The following AKAP13 variants were observed in gnomAD, a reference collection of about 807,000 sequenced individuals.
The protein encoded by AKAP13 is A-kinase anchor protein 13.
A neutral mutation model predicts 264.5 loss-of-function variants in AKAP13; 80 were observed. That is an observed-to-expected ratio of 0.30 (90% CI 0.25 to 0.36). The LOEUF (loss-of-function observed/expected upper bound fraction) is 0.36, where lower values mean the gene tolerates loss of function less well. Ranked by LOEUF, AKAP13 falls within the 10% of genes least tolerant of loss-of-function variation. The pLI is 1.00. For missense variants in AKAP13, 3,712 were observed against 3,435.2 expected (o/e 1.08, Z -2.01); for synonymous variants, 1,380 against 1,250.2 (o/e 1.10, Z -2.19).
At chr15:85,442,442 T>G (rs2073703482) in intron 1 of AKAP13, among the ~76,000 whole-genome samples, 1 of 126,138 alleles carries the variant, frequency 7.9e-6, no homozygotes, top group Non-Finnish European at 1.6e-5. Flanking sequence ...ATATATAATA[T>G]AAAATATACA....
intron 10 of AKAP13, chr15:85,651,690 A>G (rs1489921959): frequency 6.6e-6 from 1 of 152,226 alleles, no homozygotes; most frequent in African/African-American, 2.4e-5. Flanking sequence ...AGCAGGGTAC[A>G]GACTATAAGC....
intron 1 of AKAP13, among the ~76,000 whole-genome samples, chr15:85,477,489 C>T (rs2075206382): frequency 6.6e-6 from 1 of 152,008 alleles, no homozygotes; most frequent in Non-Finnish European, 1.5e-5. Flanking sequence ...TGGCCTGGCC[C>T]TGTTGGCTGG....
rs144236230 is a variant in AKAP13 at position 85,679,973 on chromosome 15, C to T, written c.5102-2185C>T. Among the ~76,000 whole-genome samples the T allele has an allele frequency of 3.3e-5, 5 of 152,224 alleles. No individual in the cohort carries two copies. In the East Asian group the frequency reaches 7.7e-4, roughly 23 times the overall value. On this transcript the variant is annotated intron_variant, in intron 14 of 36. Transcript: ENST00000394518. Reference sequence around the variant, plus strand: ...AACCACATCTAAAAGGTCATCATAACTTAACTAAAATTTTTAGCAGTGGAA... The same window carrying T: ...AACCACATCTAAAAGGTCATCATAATTTAACTAAAATTTTTAGCAGTGGAA...
At chr15:85,628,396 C>T (rs1000783820) in intron 8 of AKAP13, among the ~76,000 whole-genome samples, 1 of 152,168 alleles carries the variant, frequency 6.6e-6, no homozygotes, top group Non-Finnish European at 1.5e-5. Context: ...GTTAAGAAGC[C>T]GCCTTCTGCT....
intron 11 of AKAP13, among the ~76,000 whole-genome samples, chr15:85,657,388 C>A (rs778610205): frequency 1.3e-5 from 2 of 152,178 alleles, no homozygotes; most frequent in African/African-American, 2.4e-5. Context: ...TACCTTCTTA[C>A]ACTTTCCTAA....
intron 21 of AKAP13, 23 bp downstream of exon 21, chr15:85,717,425 A>G (rs757372353): frequency 6.6e-7 from 1 of 1,523,984 alleles, no homozygotes; most frequent in South Asian, 1.1e-5. Flanking sequence ...TATGGCCTTT[A>G]TTTTATGCCT....
At chr15:85,737,648 TA>T (rs1259570814) in intron 33 of AKAP13, among the ~76,000 whole-genome samples, 1 of 152,158 alleles carries the variant, frequency 6.6e-6, no homozygotes, top group Admixed American at 6.5e-5. Context: ...TGCTTATCTT[TA>T]AATGACAAAC....
chr15:85,665,716 C>T (rs2083556122), intron 13 of AKAP13, among the ~76,000 whole-genome samples: 1 of 152,024 alleles, frequency 6.6e-6, no homozygotes, highest in African/African-American at 2.4e-5. Context: ...GTGTGATGTT[C>T]CCCGCCCCGT....
At chr15:85,448,282 G>A (rs757888507) in intron 1 of AKAP13, among the ~76,000 whole-genome samples, 2 of 152,082 alleles carry the variant, frequency 1.3e-5, no homozygotes, top group Non-Finnish European at 2.9e-5. Flanking sequence ...TTTGTCACAT[G>A]CATAGTTTGC....
chr15:85,666,760 C>T (rs972749423), intron 13 of AKAP13, among the ~76,000 whole-genome samples: 10 of 152,174 alleles, frequency 6.6e-5, no homozygotes, highest in African/African-American at 2.4e-4. Flanking sequence ...ATTTCTGCTG[C>T]TACCAGTCTC....
At chr15:85,407,591 GA>G (rs1400647774) in intron 1 of AKAP13, among the ~76,000 whole-genome samples, 1 of 151,638 alleles carries the variant, frequency 6.6e-6, no homozygotes, top group Non-Finnish European at 1.5e-5. Flanking sequence ...GGGTTGAGGA[GA>G]GAAAGAATGG....
At chr15:85,662,416 T>C in intron 12 of AKAP13, 2 of 1,614,222 alleles carry the variant, frequency 1.2e-6, no homozygotes, top group Non-Finnish European at 1.7e-6. Context: ...TGGTGTGCAG[T>C]ACTCTGCTGG....
At chr15:85,382,210 C>G (rs1015400624) in intron 1 of AKAP13, 2 of 152,206 alleles carry the variant, frequency 1.3e-5, no homozygotes, top group African/African-American at 4.8e-5. Flanking sequence ...AGTTGTATTC[C>G]TTTACCATCT....
chr15:85,721,915 G>C (rs1268883530), intron 23 of AKAP13, 76 bp from the exon 24 acceptor site: 29 of 1,585,692 alleles, frequency 1.8e-5, no homozygotes, highest in Non-Finnish European at 2.4e-5. Context: ...TTTACAACTA[G>C]ACTGGAAACA....
At chr15:85,381,118 A>G (rs1470840834) in intron 1 of AKAP13, among the ~76,000 whole-genome samples, 2 of 151,738 alleles carry the variant, frequency 1.3e-5, no homozygotes, top group Admixed American at 6.6e-5. Context: ...CGCCGATGCT[A>G]CCTCAGGCGC....
rs1274935310 is a variant in AKAP13, at chr15:85,682,224, T to C, written c.5156+12T>C. Reference sequence around the variant, plus strand: ...AATCTGACTGAGAGGTACTATAAATTTGTTACTCCTTTTTCCAGAAATAAA... The same window carrying C: ...AATCTGACTGAGAGGTACTATAAATCTGTTACTCCTTTTTCCAGAAATAAA... On this transcript the variant is annotated intron_variant, in intron 15 of 36. Transcript: ENST00000394518. The C allele has an allele frequency of 1.2e-6, 2 of 1,611,042 alleles. No individual in the cohort carries two copies. Among genetic ancestry groups the C allele is most frequent in the South Asian group, 1.1e-5 (1 of 90,774 alleles).
In AKAP13 at chr15:85,631,727, C is replaced by G. The variant is rs74574713; in HGVS notation, c.4162-7647C>G. 9.9e-3 allele frequency among the ~76,000 whole-genome samples: 1,506 copies of G among 152,178 alleles called. 27 individuals carry two copies. Among genetic ancestry groups the G allele is most frequent in the African/African-American group, 0.035 (1,444 of 41,484 alleles). ...TGTAAGATGTTAACGTTGGAGAAAC[C>G]AGTGAGGAAGGGAGTGGGGATAAAC... On this transcript the variant is annotated intron_variant, in intron 8 of 36. Coordinates refer to ENST00000394518, the MANE Select transcript of AKAP13 (RefSeq NM_007200.5).
intron 8 of AKAP13, among the ~76,000 whole-genome samples, chr15:85,613,906 AG>A (rs1214010972): frequency 6.6e-6 from 1 of 151,804 alleles, no homozygotes; most frequent in East Asian, 1.9e-4. Flanking sequence ...AAAACAAATG[AG>A]AATTTATTTG....
chr15:85,522,962 T>C (rs896288252), intron 3 of AKAP13, among the ~76,000 whole-genome samples: 8 of 100,748 alleles, frequency 7.9e-5, no homozygotes, highest in Non-Finnish European at 1.5e-4. Flanking sequence ...CCCATTGGCC[T>C]GAATGTTCTG....
Sources: allele counts gnomAD v4.1 joint callset (sites outside exome capture counted in the v4.1 genomes callset), GRCh38; gene constraint gnomAD v4.1.1; transcripts MANE v1.5; gene names NCBI Gene and HGNC (gene_info 2026-07-23, HGNC 2026-07-21).